HNRNPF: variants seen among roughly 807,000 people sequenced by gnomAD.
The protein encoded by HNRNPF is HnRNP F protein.
A neutral mutation model predicts 26.0 loss-of-function variants in HNRNPF; 2 were observed. That is an observed-to-expected ratio of 0.08 (90% CI 0.03 to 0.24). HNRNPF has a LOEUF of 0.24. Among genes scored for constraint, HNRNPF ranks in the 10% least tolerant of loss-of-function variants. The pLI, the probability that HNRNPF is intolerant of heterozygous loss-of-function variation, is 1.00. For missense variants in HNRNPF, 299 were observed against 539.2 expected (o/e 0.55, Z 4.41); for synonymous variants, 234 against 211.5 (o/e 1.11, Z -0.92).
At chr10:43,400,351 A>G (rs1838714012) in intron 1 of HNRNPF, among the ~76,000 whole-genome samples, 1 of 152,126 alleles carries the variant, frequency 6.6e-6, no homozygotes, top group Non-Finnish European at 1.5e-5. Context: ...TTGTATTCAT[A>G]TTCTTATTTC....
chr10:43,390,028 A>G lies in HNRNPF; in HGVS notation c.-52-2092T>C, dbSNP rs1428019166. On this transcript the variant is annotated intron_variant, in intron 3 of 3. Transcript: ENST00000682386. Reference sequence around the variant, plus strand: ...AACCCTGGGGTTTAGCCTCCACCTTAGAAAGTAATGGTCTCCGCCTCCCCA... The same window carrying G: ...AACCCTGGGGTTTAGCCTCCACCTTGGAAAGTAATGGTCTCCGCCTCCCCA... Among the ~76,000 whole-genome samples, 4 of 152,336 alleles carry G rather than the reference A, an allele frequency of 2.6e-5. No homozygotes were observed. The East Asian group carries it at 5.8e-4, about 22-fold the overall frequency.
At chr10:43,404,798 G>T (rs916343236) in intron 1 of HNRNPF, among the ~76,000 whole-genome samples, 58 of 152,138 alleles carry the variant, frequency 3.8e-4, no homozygotes, top group African/African-American at 1.4e-3. Context: ...CTCCAGCCTG[G>T]GCAACAAAAC....
intron 1 of HNRNPF, among the ~76,000 whole-genome samples, chr10:43,403,558 T>C (rs1175155754): frequency 6.6e-6 from 1 of 152,214 alleles, no homozygotes; most frequent in Non-Finnish European, 1.5e-5. Context: ...AGCGATATTA[T>C]GACCAAGTTG....
At chr10:43,407,135 G>A (rs1217862035) in intron 1 of HNRNPF, among the ~76,000 whole-genome samples, 1 of 151,874 alleles carries the variant, frequency 6.6e-6, no homozygotes, top group African/African-American at 2.4e-5. Context: ...TTTTGGGACG[G>A]AACGACTGAA....
At chr10:43,396,946 TGAGGGC>T (rs1355660270) in intron 1 of HNRNPF, 2 of 126,568 alleles carry the variant, frequency 1.6e-5, no homozygotes, top group South Asian at 4.9e-4. Context: ...TCCGGGGCCC[TGAGGGC>T]GAGAGCGAGG....
intron 1 of HNRNPF, among the ~76,000 whole-genome samples, chr10:43,406,540 C>T (rs1249860832): frequency 3.3e-5 from 5 of 152,132 alleles, no homozygotes. Flanking sequence ...ACAAAAAATA[C>T]AAAAATTTGC....
chr10:43,396,332 G>A (rs1838512914), intron 2 of HNRNPF, 124 bp downstream of exon 2: 2 of 152,436 alleles, frequency 1.3e-5, no homozygotes, highest in Non-Finnish European at 2.9e-5. Context: ...CGGGAAACCG[G>A]GCAGCACTCT....
At chr10:43,399,704 G>C (rs1209282659) in intron 1 of HNRNPF, among the ~76,000 whole-genome samples, 1 of 152,214 alleles carries the variant, frequency 6.6e-6, no homozygotes. Context: ...GGTGGGAGAA[G>C]AATGTGAAAG....
rs148257139 is a variant in HNRNPF at position 43,392,840 on chromosome 10, C to T, written c.-53+1790G>A. On this transcript the variant is annotated intron_variant, in intron 3 of 3. Transcript: ENST00000682386. ...AGGAGATACACAAACCCCCAGTCTTCGGCTCCCTGAAGCCTAGACGGGTAG... is the reference window on the plus strand; with the variant it reads ...AGGAGATACACAAACCCCCAGTCTTTGGCTCCCTGAAGCCTAGACGGGTAG... Among the ~76,000 whole-genome samples, 138 of 152,244 alleles carry T rather than the reference C, an allele frequency of 9.1e-4. 1 individual carries two copies. The highest frequency in any genetic ancestry group is 3.2e-3 in the African/African-American group (132 of 41,542).
chr10:43,389,932 C>A (rs915688881), intron 3 of HNRNPF, among the ~76,000 whole-genome samples: 1 of 152,162 alleles, frequency 6.6e-6, no homozygotes, highest in Non-Finnish European at 1.5e-5. Context: ...ATAAAATAAT[C>A]CTGAACGGCA....
At position 43,387,555 on chromosome 10, in the gene HNRNPF, A is replaced by G; in HGVS notation, c.330T>C (p.Asp110=). The part of the protein sequence containing the change: ...SGPNSADSAN[D]GFVRLRGLPF... ...GGAGTCCTCGAAGCCGCACGAAGCC[A>G]TCGTTGGCGCTGTCGGCACTGTTGG... The change falls in exon 4 of 4, where the codon GAT becomes GAC. Residue 110 remains aspartate, a synonymous_variant. Coordinates refer to ENST00000682386, the MANE Select transcript of HNRNPF (RefSeq NM_001098204.2). The surrounding 1 kb of genome is among the most constrained non-coding windows in gnomAD (Gnocchi z 6.0). The G allele has an allele frequency of 6.2e-7, 1 of 1,614,192 alleles. No homozygotes were observed.
intron 1 of HNRNPF, among the ~76,000 whole-genome samples, chr10:43,405,397 C>T (rs887652952): frequency 1.3e-5 from 2 of 152,198 alleles, no homozygotes; most frequent in Non-Finnish European, 2.9e-5. Flanking sequence ...TGGCTCACGC[C>T]TGTAATCCCA....
chr10:43,393,868 T>C (rs1362598720), intron 3 of HNRNPF, among the ~76,000 whole-genome samples: 1 of 152,216 alleles, frequency 6.6e-6, no homozygotes, highest in Non-Finnish European at 1.5e-5. Context: ...ACGCACATAG[T>C]TGACACTCAT....
intron 3 of HNRNPF, among the ~76,000 whole-genome samples, chr10:43,392,130 G>A (rs1002147681): frequency 2.0e-5 from 3 of 152,156 alleles, no homozygotes; most frequent in East Asian, 1.9e-4. Context: ...TAGGTTGAGC[G>A]CAGTGGCTCA....
At chr10:43,391,660 G>A (rs781308529) in intron 3 of HNRNPF, among the ~76,000 whole-genome samples, 20 of 133,260 alleles carry the variant, frequency 1.5e-4, no homozygotes, top group Non-Finnish European at 2.4e-4. Flanking sequence ...GTGAAGTCAA[G>A]TCAGAGTCCA....
chr10:43,390,922 C>CA (rs1415820910), intron 3 of HNRNPF, among the ~76,000 whole-genome samples: 2 of 152,140 alleles, frequency 1.3e-5, no homozygotes, highest in African/African-American at 4.8e-5. Context: ...TAGCACCCTC[C>CA]ACCTCCAGTT....
rs1837995629 is a variant in HNRNPF at position 43,385,674 on chromosome 10, T to C, written c.*963A>G. The C allele has an allele frequency of 6.6e-6, 1 of 152,212 alleles. No homozygotes were observed. The highest frequency in any genetic ancestry group is 1.5e-5 in the Non-Finnish European group (1 of 68,038). The allele number at this position is 152,212 out of a possible 1,614,324, so 9.4% of individuals were successfully genotyped here. ...AAACAAAATAATTGCTTTCACAATG[T>C]AGTACTTGAAACTAAAGTTCTCCAG... is the stretch of plus-strand genomic sequence containing the variant. On this transcript the variant is annotated 3_prime_UTR_variant, in exon 4 of 4. Transcript: ENST00000682386.
rs114311147 is a variant in HNRNPF, at chr10:43,385,769, A to C, written c.*868T>G. 1 of 152,240 alleles carries C rather than the reference A, an allele frequency of 6.6e-6. No individual in the cohort carries two copies. The highest frequency in any genetic ancestry group is 2.4e-5 in the African/African-American group (1 of 41,452). The allele number at this position is 152,240 out of a possible 1,614,324, so 9.4% of individuals were successfully genotyped here. ...TTCTGAATGGTTTACAACAGTGCAC[A>C]TAAGTTGCAGGTGGCTGGGGCCGTG... On this transcript the variant is annotated 3_prime_UTR_variant, in exon 4 of 4. Transcript: ENST00000682386.
chr10:43,399,261 A>AT (rs1390504621), intron 1 of HNRNPF, among the ~76,000 whole-genome samples: 1 of 151,708 alleles, frequency 6.6e-6, no homozygotes, highest in Non-Finnish European at 1.5e-5. Flanking sequence ...TTTTTTTTTA[A>AT]TTTTTTAGTA....
Sources: allele counts gnomAD v4.1 joint callset (sites outside exome capture counted in the v4.1 genomes callset), GRCh38; gene constraint gnomAD v4.1.1; non-coding constraint Gnocchi (gnomAD v3.1); transcripts MANE v1.5; gene names NCBI Gene and HGNC (gene_info 2026-07-23, HGNC 2026-07-21).